Variants in SPOCK1 observed in about 807,000 individuals in gnomAD.
The protein encoded by SPOCK1 is testican-1.
SPOCK1 carries 23 observed loss-of-function variants against 55.3 expected under a neutral mutation model. That is an observed-to-expected ratio of 0.42 (90% CI 0.30 to 0.59). The LOEUF is 0.59. SPOCK1 is among the 20% of genes least tolerant of loss of function. The pLI, the probability that SPOCK1 is intolerant of heterozygous loss-of-function variation, is 0.22. For synonymous variants in SPOCK1, 226 were observed against 221.0 expected, an observed-to-expected ratio of 1.02 and a Z score of -0.20; for missense variants, 499 against 552.5, an observed-to-expected ratio of 0.90 and a Z score of 0.97.
At chr5:137,105,533 G>T (rs1468293) in intron 5 of SPOCK1, among the ~76,000 whole-genome samples, 22,192 of 152,150 alleles carry the variant, frequency 0.15, 2,078 homozygotes, top group Non-Finnish European at 0.2. Context: ...ACCCTGATTT[G>T]CTCCGACCCT....
At chr5:136,988,853 T>G (rs1241916821) in intron 7 of SPOCK1, 1 of 472,878 alleles carries the variant, frequency 2.1e-6, no homozygotes, top group Non-Finnish European at 3.7e-6. Context: ...AAAGTCATCA[T>G]TTGAGGAAAA....
At chr5:137,322,565 A>G (rs1217622134) in intron 2 of SPOCK1, among the ~76,000 whole-genome samples, 1 of 152,186 alleles carries the variant, frequency 6.6e-6, no homozygotes, top group Non-Finnish European at 1.5e-5. Flanking sequence ...GAAGTCAAAG[A>G]GTAGAATTTT....
At chr5:137,005,829 T>G (rs1751237155) in intron 6 of SPOCK1, among the ~76,000 whole-genome samples, 1 of 152,120 alleles carries the variant, frequency 6.6e-6, no homozygotes, top group South Asian at 2.1e-4. Flanking sequence ...CAATGGAACA[T>G]GACATAATTT....
chr5:137,347,394 TC>T (rs1750581870), intron 2 of SPOCK1, among the ~76,000 whole-genome samples: 1 of 152,144 alleles, frequency 6.6e-6, no homozygotes, highest in African/African-American at 2.4e-5. Flanking sequence ...ACCACCAGTC[TC>T]CACCTGGTTC....
At chr5:137,153,154 G>A (rs1561628801) in intron 3 of SPOCK1, among the ~76,000 whole-genome samples, 1 of 152,160 alleles carries the variant, frequency 6.6e-6, no homozygotes, top group Non-Finnish European at 1.5e-5. Flanking sequence ...TGAGGCCAGG[G>A]GCCAAGTTTT....
chr5:137,165,193 AC>A (rs1011494158), intron 3 of SPOCK1, among the ~76,000 whole-genome samples: 6 of 152,110 alleles, frequency 3.9e-5, no homozygotes, highest in African/African-American at 1.4e-4. Flanking sequence ...GTGTCACTCC[AC>A]CCCCACCTCC....
At chr5:137,301,413 G>A (rs1757586920) in intron 2 of SPOCK1, among the ~76,000 whole-genome samples, 1 of 152,158 alleles carries the variant, frequency 6.6e-6, no homozygotes, top group South Asian at 2.1e-4. Flanking sequence ...GCAGGATGCA[G>A]GTAGTACCAT....
intron 2 of SPOCK1, among the ~76,000 whole-genome samples, chr5:137,308,477 G>A (rs1757736480): frequency 6.6e-6 from 1 of 152,228 alleles, no homozygotes; most frequent in Admixed American, 6.5e-5. Context: ...CCCCTGCTTT[G>A]AGGGGCACCT....
chr5:137,219,835 A>T (rs1285404014), intron 3 of SPOCK1, among the ~76,000 whole-genome samples: 2 of 152,158 alleles, frequency 1.3e-5, no homozygotes, highest in Non-Finnish European at 1.5e-5. Context: ...TCCTGGAGAG[A>T]CATGATGATT....
At chr5:137,015,064 G>A (rs2126976689) in intron 6 of SPOCK1, among the ~76,000 whole-genome samples, 1 of 152,272 alleles carries the variant, frequency 6.6e-6, no homozygotes, top group South Asian at 2.1e-4. Flanking sequence ...CTTTTGCCAA[G>A]AGGTGGCTTA....
At chr5:137,454,306 T>G (rs1419897568) in intron 2 of SPOCK1, among the ~76,000 whole-genome samples, 1 of 152,050 alleles carries the variant, frequency 6.6e-6, no homozygotes, top group African/African-American at 2.4e-5. Flanking sequence ...AACCACAGGG[T>G]GGGTTATAAG....
At chr5:137,091,288 G>A (rs1251973153) in intron 5 of SPOCK1, among the ~76,000 whole-genome samples, 3 of 152,180 alleles carry the variant, frequency 2.0e-5, no homozygotes, top group African/African-American at 4.8e-5. Flanking sequence ...ACAGTAGTAG[G>A]TGCTGTGAAT....
chr5:137,179,702 GA>G (rs778843554), intron 3 of SPOCK1, among the ~76,000 whole-genome samples: 2 of 152,180 alleles, frequency 1.3e-5, no homozygotes, highest in African/African-American at 2.4e-5. Flanking sequence ...CCAAGAGTAT[GA>G]GGTATAAGAC....
chr5:137,014,697 T>C (rs909138671), intron 6 of SPOCK1, among the ~76,000 whole-genome samples: 3 of 152,186 alleles, frequency 2.0e-5, no homozygotes, highest in African/African-American at 7.2e-5. Context: ...ATGGAATATG[T>C]ACATAGCTAA....
intron 6 of SPOCK1, among the ~76,000 whole-genome samples, chr5:137,019,506 T>C (rs1751518379): frequency 6.6e-6 from 1 of 152,096 alleles, no homozygotes; most frequent in South Asian, 2.1e-4. Context: ...AGCTAACCAC[T>C]CCCCTATTGT....
chr5:137,251,224 A>G (rs546823262), intron 3 of SPOCK1, among the ~76,000 whole-genome samples: 30 of 152,216 alleles, frequency 2.0e-4, no homozygotes, highest in Non-Finnish European at 3.4e-4. Flanking sequence ...CTGAAAACGT[A>G]AAGTCCTCAC....
intron 5 of SPOCK1, among the ~76,000 whole-genome samples, chr5:137,068,129 G>A (rs1352044028): frequency 6.6e-6 from 1 of 152,144 alleles, no homozygotes; most frequent in African/African-American, 2.4e-5. Flanking sequence ...CTTAACATCT[G>A]TAGAGTCCTA....
chr5:137,113,247 T>C (rs549568558), intron 4 of SPOCK1, among the ~76,000 whole-genome samples: 1 of 152,196 alleles, frequency 6.6e-6, no homozygotes, highest in Non-Finnish European at 1.5e-5. Context: ...TAGGATGACT[T>C]ACGTCCACGG....
chr5:137,246,920 G>T (rs1032382351), intron 3 of SPOCK1, among the ~76,000 whole-genome samples: 1 of 152,170 alleles, frequency 6.6e-6, no homozygotes, highest in Admixed American at 6.5e-5. Context: ...ACCTAAATCC[G>T]AAGCCCCATC....
Sources: gnomAD v4.1 joint callset for allele counts (sites outside exome capture counted in the v4.1 genomes callset) on GRCh38, gnomAD v4.1.1 for gene constraint, MANE v1.5 for transcripts, NCBI Gene and HGNC (gene_info 2026-07-23, HGNC 2026-07-21) for gene names.